SGCZ: variants seen among roughly 807,000 people sequenced by gnomAD.
SGCZ encodes the protein sarcoglycan zeta.
Under a neutral mutation model 41.3 loss-of-function variants are expected in SGCZ, and 40 were observed. The observed-to-expected ratio is 0.97, with a 90% confidence interval of 0.75 to 1.26. SGCZ has a LOEUF of 1.26. SGCZ is among the 50% of genes most tolerant of loss of function. The probability of loss-of-function intolerance (pLI) is 0.00; values close to 1 mark genes in which losing one functional copy is unlikely to be tolerated. For missense variants in SGCZ, 552 were observed against 369.8 expected (o/e 1.49, Z -4.04); for synonymous variants, 206 against 137.5 (o/e 1.50, Z -3.49).
At chr8:14,528,269 T>C (rs920338391) in intron 2 of SGCZ, among the ~76,000 whole-genome samples, 1 of 152,078 alleles carries the variant, frequency 6.6e-6, no homozygotes, top group Non-Finnish European at 1.5e-5. Flanking sequence ...TTTTTGACAA[T>C]GACAAAGTTA....
At chr8:14,356,065 C>T (rs1347390562) in intron 2 of SGCZ, among the ~76,000 whole-genome samples, 1 of 152,126 alleles carries the variant, frequency 6.6e-6, no homozygotes, top group African/African-American at 2.4e-5. Context: ...TGGGCAGGGG[C>T]AGTGAGACCA....
intron 1 of SGCZ, among the ~76,000 whole-genome samples, chr8:14,905,377 G>A (rs1252236864): frequency 1.3e-5 from 2 of 151,886 alleles, no homozygotes; most frequent in Admixed American, 6.6e-5. Flanking sequence ...AGAAAACTAC[G>A]ACATGACATC....
chr8:15,089,442 C>G (rs1298897510), intron 1 of SGCZ, among the ~76,000 whole-genome samples: 2 of 152,038 alleles, frequency 1.3e-5, no homozygotes, highest in East Asian at 3.9e-4. Context: ...GGCTGCTGTA[C>G]AGTAGCTCTC....
intron 1 of SGCZ, among the ~76,000 whole-genome samples, chr8:14,680,546 A>G (rs57494296): frequency 0.015 from 2,244 of 150,358 alleles, 61 homozygotes; most frequent in African/African-American, 0.052. Context: ...TCACTCATAT[A>G]AACGGAGCAA....
intron 1 of SGCZ, among the ~76,000 whole-genome samples, chr8:14,900,408 C>A (rs570955935): frequency 7.2e-5 from 11 of 152,212 alleles, no homozygotes; most frequent in African/African-American, 2.6e-4. Flanking sequence ...ACAGTCAGTT[C>A]TTGGGCAGGA....
At chr8:14,252,541 G>A (rs949175289) in intron 3 of SGCZ, among the ~76,000 whole-genome samples, 8 of 152,016 alleles carry the variant, frequency 5.3e-5, no homozygotes, top group African/African-American at 1.7e-4. Flanking sequence ...TTGATTGTTT[G>A]TTTAGATCAT....
intron 1 of SGCZ, among the ~76,000 whole-genome samples, chr8:14,841,155 T>C (rs1046362113): frequency 1.3e-5 from 2 of 152,026 alleles, no homozygotes; most frequent in Non-Finnish European, 2.9e-5. Context: ...TAAGTTTAAA[T>C]GCTGCATGTC....
At chr8:14,928,905 G>T (rs535448749) in intron 1 of SGCZ, among the ~76,000 whole-genome samples, 3 of 152,170 alleles carry the variant, frequency 2.0e-5, no homozygotes, top group Admixed American at 1.3e-4. Context: ...TATTAAATTT[G>T]TTCCATTATC....
chr8:14,291,674 C>G (rs533377501), intron 3 of SGCZ, among the ~76,000 whole-genome samples: 1,052 of 69,402 alleles, frequency 0.015, 13 homozygotes, highest in African/African-American at 0.041. Flanking sequence ...ATTCTTTATT[C>G]GGAAACATAT....
chr8:14,110,881 C>G (rs924642114), intron 5 of SGCZ, among the ~76,000 whole-genome samples: 5 of 151,936 alleles, frequency 3.3e-5, no homozygotes, highest in Non-Finnish European at 5.9e-5. Context: ...GGCAAAAATC[C>G]TCTCCTCTCT....
At position 14,586,939 on chromosome 8, in the gene SGCZ, G is replaced by C. The variant is rs551865567; in HGVS notation, c.40-32013C>G. Among the ~76,000 whole-genome samples the C allele has an allele frequency of 1.1e-4, 17 of 151,694 alleles. No homozygotes were observed. The East Asian group carries it at 2.7e-3, about 24-fold the overall frequency. ...CTAGTTAAATTGCAAATTATACAAGGTCATGTCATCATATAGAACAAATTC... is the reference window on the plus strand; with the variant it reads ...CTAGTTAAATTGCAAATTATACAAGCTCATGTCATCATATAGAACAAATTC... On this transcript the variant is annotated intron_variant, in intron 1 of 7. Coordinates refer to ENST00000382080, the MANE Select transcript of SGCZ (RefSeq NM_139167.4).
chr8:14,795,151 G>A (rs900136442), intron 1 of SGCZ, among the ~76,000 whole-genome samples: 4 of 152,116 alleles, frequency 2.6e-5, no homozygotes, highest in African/African-American at 9.7e-5. Context: ...ATGGATGATT[G>A]AATGGTTAAT....
At chr8:15,069,883 G>A (rs1299175236) in intron 1 of SGCZ, among the ~76,000 whole-genome samples, 1 of 151,966 alleles carries the variant, frequency 6.6e-6, no homozygotes, top group East Asian at 1.9e-4. Context: ...TATGAGAGAA[G>A]TGTGTGTATG....
chr8:15,228,965 G>A (rs1341357993), intron 1 of SGCZ, among the ~76,000 whole-genome samples: 4 of 152,120 alleles, frequency 2.6e-5, no homozygotes, highest in Non-Finnish European at 4.4e-5. Context: ...AGGCCAAGGC[G>A]GGTGGATCAC....
At chr8:14,456,212 C>T (rs1181110337) in intron 2 of SGCZ, among the ~76,000 whole-genome samples, 1 of 152,024 alleles carries the variant, frequency 6.6e-6, no homozygotes, top group Non-Finnish European at 1.5e-5. Flanking sequence ...AGTTTGAGAC[C>T]ATCCTGACCA....
chr8:15,175,761 TATAG>T (rs1312742843), intron 1 of SGCZ, among the ~76,000 whole-genome samples: 1 of 152,114 alleles, frequency 6.6e-6, no homozygotes, highest in African/African-American at 2.4e-5. Context: ...AACTTCAAGA[TATAG>T]ATAGTCAATT....
At chr8:14,505,050 G>A (rs1200762201) in intron 2 of SGCZ, among the ~76,000 whole-genome samples, 1 of 152,062 alleles carries the variant, frequency 6.6e-6, no homozygotes, top group African/African-American at 2.4e-5. Context: ...TATGGAGGCT[G>A]AGGCATGAGA....
chr8:14,625,066 A>C, intron 1 of SGCZ, among the ~76,000 whole-genome samples: 1 of 152,174 alleles, frequency 6.6e-6, no homozygotes, highest in East Asian at 1.9e-4. Context: ...CTTAATAAAC[A>C]TACATGTTTC....
intron 1 of SGCZ, among the ~76,000 whole-genome samples, chr8:14,814,060 G>T (rs1801820247): frequency 6.6e-6 from 1 of 152,104 alleles, no homozygotes; most frequent in African/African-American, 2.4e-5. Context: ...GCACTTAATA[G>T]ACATGTCTTT....
Sources: gnomAD v4.1 joint callset for allele counts (sites outside exome capture counted in the v4.1 genomes callset) on GRCh38, gnomAD v4.1.1 for gene constraint, MANE v1.5 for transcripts, NCBI Gene and HGNC (gene_info 2026-07-23, HGNC 2026-07-21) for gene names.